CADM1: variants seen among roughly 807,000 people sequenced by gnomAD.
CADM1 encodes the protein TSLC-1.
A neutral mutation model predicts 53.1 loss-of-function variants in CADM1; 15 were observed. The observed-to-expected ratio is 0.28, with a 90% CI of 0.19 to 0.44. CADM1 has a LOEUF of 0.44. Ranked by LOEUF, CADM1 falls within the 20% of genes least tolerant of loss-of-function variation. CADM1 has a pLI of 1.00. For synonymous variants in CADM1, 281 were observed against 243.0 expected (o/e 1.16, Z -1.45); for missense variants, 434 against 611.3 (o/e 0.71, Z 3.06).
At chr11:115,484,466 A>G (rs1949326248) in intron 1 of CADM1, among the ~76,000 whole-genome samples, 1 of 152,190 alleles carries the variant, frequency 6.6e-6, no homozygotes, top group Non-Finnish European at 1.5e-5. Flanking sequence ...CAAAGCTGCC[A>G]TTGGTCATGT....
intron 1 of CADM1, among the ~76,000 whole-genome samples, chr11:115,329,572 C>T (rs1485178749): frequency 6.6e-6 from 1 of 152,056 alleles, no homozygotes; most frequent in Admixed American, 6.6e-5. Context: ...GGGAGCTGAT[C>T]CCATAGTAGC....
chr11:115,314,247 G>A (rs572701279), intron 1 of CADM1, among the ~76,000 whole-genome samples: 1 of 152,012 alleles, frequency 6.6e-6, no homozygotes, highest in African/African-American at 2.4e-5. Flanking sequence ...ACTGTGAAAG[G>A]GCACATGGGG....
intron 1 of CADM1, among the ~76,000 whole-genome samples, chr11:115,308,121 A>C (rs1246730157): frequency 6.8e-6 from 1 of 145,988 alleles, no homozygotes; most frequent in Non-Finnish European, 1.5e-5. Flanking sequence ...TGATTCCTGT[A>C]AAAGACACAA....
chr11:115,266,578 C>G (rs1591655043), intron 1 of CADM1, among the ~76,000 whole-genome samples: 1 of 152,292 alleles, frequency 6.6e-6, no homozygotes, highest in African/African-American at 2.4e-5. Flanking sequence ...TTGTTCTATG[C>G]CAGCCAACAA....
intron 1 of CADM1, among the ~76,000 whole-genome samples, chr11:115,348,466 AC>A (rs1182661173): frequency 1.3e-5 from 2 of 152,206 alleles, no homozygotes; most frequent in Non-Finnish European, 2.9e-5. Context: ...GCACTCAGTT[AC>A]CACACAAATT....
In CADM1 at chr11:115,170,302, T is replaced by A. The variant is rs1217793161; in HGVS notation, c.*6172A>T. 6.6e-6 allele frequency: 1 copy of A among 152,192 alleles called. No individual in the cohort carries two copies. The highest frequency in any genetic ancestry group is 2.4e-5 in the African/African-American group (1 of 41,366). The allele number at this position is 152,192 out of a possible 1,614,324, so 9.4% of individuals were successfully genotyped here. On this transcript the variant is annotated 3_prime_UTR_variant, in exon 12 of 12. Transcript: ENST00000331581. ...GAGTAAAATGGGAGGCGCAGGTAGGTGTGCATGTGTGTGAGAGAAAAAGCA... is the reference window on the plus strand; with the variant it reads ...GAGTAAAATGGGAGGCGCAGGTAGGAGTGCATGTGTGTGAGAGAAAAAGCA...
intron 1 of CADM1, among the ~76,000 whole-genome samples, chr11:115,329,623 G>A (rs1185939554): frequency 1.3e-5 from 2 of 152,074 alleles, no homozygotes; most frequent in African/African-American, 4.8e-5. Context: ...GCCCCAGTGG[G>A]TGTGCTACAG....
At chr11:115,408,651 A>C (rs138786399) in intron 1 of CADM1, among the ~76,000 whole-genome samples, 247 of 152,276 alleles carry the variant, frequency 1.6e-3, no homozygotes, top group African/African-American at 5.5e-3. Context: ...CCCTCCTCCT[A>C]GTACTTATTC....
chr11:115,252,207 T>G (rs1409843571), intron 1 of CADM1, among the ~76,000 whole-genome samples: 1 of 152,198 alleles, frequency 6.6e-6, no homozygotes, highest in African/African-American at 2.4e-5. Flanking sequence ...TTCTATATTT[T>G]AAAATGGATA....
At position 115,176,155 on chromosome 11, in the gene CADM1, G is replaced by T; in HGVS notation, c.*319C>A. ...GCACAAAGGGGGAAAAGAAAGGAAC[G>T]CAACAAACAAACAAAAAACAAGGCA... On this transcript the variant is annotated 3_prime_UTR_variant, in exon 12 of 12. Coordinates refer to ENST00000331581, the MANE Select transcript of CADM1 (RefSeq NM_001301043.2). 2 of 1,173,778 alleles carry T rather than the reference G, an allele frequency of 1.7e-6. No individual in the cohort carries two copies. The highest frequency in any genetic ancestry group is 3.9e-5 in the Admixed American group (1 of 25,686). The allele number at this position is 1,173,778 out of a possible 1,614,324, so 72.7% of individuals were successfully genotyped here.
chr11:115,289,593 CTTT>C (rs56766047), intron 1 of CADM1, among the ~76,000 whole-genome samples: 1 of 109,032 alleles, frequency 9.2e-6, no homozygotes, highest in Non-Finnish European at 1.9e-5. Flanking sequence ...CTTTTTTTTT[CTTT>C]TTTTTTTTTT....
chr11:115,355,977 C>T (rs915402316), intron 1 of CADM1, among the ~76,000 whole-genome samples: 2 of 152,098 alleles, frequency 1.3e-5, no homozygotes, highest in South Asian at 2.1e-4. Flanking sequence ...GGATTATAGG[C>T]ATGTGCCACC....
intron 1 of CADM1, among the ~76,000 whole-genome samples, chr11:115,437,048 A>G (rs1948199171): frequency 6.6e-6 from 1 of 152,228 alleles, no homozygotes; most frequent in South Asian, 2.1e-4. Context: ...AACGTCTGTT[A>G]GAGAAATCTG....
At chr11:115,209,891 G>T (rs747529702) in intron 7 of CADM1, among the ~76,000 whole-genome samples, 12 of 152,186 alleles carry the variant, frequency 7.9e-5, no homozygotes, top group Non-Finnish European at 1.6e-4. Context: ...AATTAGGGAT[G>T]AGGAGATGTG....
At chr11:115,484,561 T>A (rs939458677) in intron 1 of CADM1, among the ~76,000 whole-genome samples, 2 of 152,214 alleles carry the variant, frequency 1.3e-5, no homozygotes, top group Non-Finnish European at 2.9e-5. Context: ...TTAAATAATA[T>A]GGACAGGCTG....
chr11:115,425,187 T>C (rs1947859702), intron 1 of CADM1, among the ~76,000 whole-genome samples: 1 of 152,228 alleles, frequency 6.6e-6, no homozygotes, highest in Non-Finnish European at 1.5e-5. Flanking sequence ...AAGTCACCAC[T>C]ACAGATTCTG....
rs1203777252 is a variant in CADM1 at position 115,404,345 on chromosome 11, AAATATATATATATATATATAT to A, written c.124+99905_124+99925del. Among the ~76,000 whole-genome samples the A allele has an allele frequency of 3.2e-4, 13 of 40,786 alleles. 1 individual carries two copies. Among genetic ancestry groups the A allele is most frequent in the East Asian group, 2.3e-3 (6 of 2,592 alleles). 26.8% of individuals were successfully genotyped at this position (40,786 alleles called of 152,430 possible). A position where few individuals can be genotyped will look rare whatever the true frequency, so the allele number is the denominator to read the frequency against. Reference sequence around the variant, plus strand: ...TGTCTCGGAAAAAAAAAAAAAAAAAAAATATATATATATATATATATATATATATATATATATATATATGGC... The same window carrying A: ...TGTCTCGGAAAAAAAAAAAAAAAAAAATATATATATATATATATATATGGC... On this transcript the variant is annotated intron_variant, in intron 1 of 11. Coordinates refer to ENST00000331581, the MANE Select transcript of CADM1 (RefSeq NM_001301043.2).
intron 1 of CADM1, among the ~76,000 whole-genome samples, chr11:115,288,852 C>T (rs1377361197): frequency 6.6e-6 from 1 of 152,148 alleles, no homozygotes; most frequent in East Asian, 1.9e-4. Context: ...CCACCTTGAC[C>T]TTCCTCTTTA....
intron 1 of CADM1, among the ~76,000 whole-genome samples, chr11:115,265,235 T>A (rs1002109729): frequency 2.0e-5 from 3 of 152,124 alleles, no homozygotes; most frequent in Non-Finnish European, 4.4e-5. Context: ...TCAATACCAA[T>A]ACTGAAATTT....
Sources: gnomAD v4.1 joint callset for allele counts (sites outside exome capture counted in the v4.1 genomes callset) on GRCh38, gnomAD v4.1.1 for gene constraint, MANE v1.5 for transcripts, NCBI Gene and HGNC (gene_info 2026-07-23, HGNC 2026-07-21) for gene names.